The following GALC variants were observed in gnomAD, a reference collection of about 807,000 sequenced individuals.
The protein encoded by GALC is galactocerebrosidase.
GALC carries 77 observed loss-of-function variants against 91.8 expected under a neutral mutation model. The ratio of observed to expected loss-of-function variants is 0.84; its 90% confidence interval spans 0.70 to 1.01. The LOEUF (loss-of-function observed/expected upper bound fraction) is 1.01, where lower values mean the gene tolerates loss of function less well. Among genes scored for constraint, GALC ranks in the 50% least tolerant of loss-of-function variants. The pLI is 0.00. For synonymous variants in GALC, 357 were observed against 306.7 expected, an observed-to-expected ratio of 1.16 and a Z score of -1.71; for missense variants, 882 against 855.9, an observed-to-expected ratio of 1.03 and a Z score of -0.38.
chr14:87,988,106 T>C (rs1233058129), intron 3 of GALC, 38 bp downstream of exon 3: 3 of 1,507,722 alleles, frequency 2.0e-6, no homozygotes, highest in South Asian at 2.2e-5. Context: ...TAGATTAAAA[T>C]GTTGATGGGA....
intron 14 of GALC, 105 bp downstream of exon 14, chr14:87,945,448 G>C (rs1280894840): frequency 1.2e-6 from 1 of 861,912 alleles, no homozygotes; most frequent in African/African-American, 1.7e-5. Context: ...ACATCTATTA[G>C]GTTCTTGAAA....
intron 10 of GALC, chr14:87,953,008 C>A: frequency 9.2e-7 from 1 of 1,091,028 alleles, no homozygotes; most frequent in East Asian, 2.4e-5. Context: ...CACAAATGTG[C>A]AGCTATGTTG....
chr14:87,981,301 C>CA (rs35635941), intron 6 of GALC: 3,260 of 152,028 alleles, frequency 0.021, 51 homozygotes, highest in Non-Finnish European at 0.034. Context: ...TTTAGGGACT[C>CA]GGGGAAAGGA....
intron 4 of GALC, 48 bp from the exon 5 acceptor site, chr14:87,984,581 T>A: frequency 6.2e-7 from 1 of 1,608,166 alleles, no homozygotes; most frequent in Non-Finnish European, 8.5e-7. Context: ...ATAACGGTGC[T>A]GGCGCTATTG....
chr14:87,948,873 C>A (rs763827159), intron 12 of GALC, among the ~76,000 whole-genome samples: 2 of 151,880 alleles, frequency 1.3e-5, no homozygotes, highest in Admixed American at 1.3e-4. Flanking sequence ...TTAATAATAA[C>A]CAGAAAAAGT....
chr14:87,992,753 A>G (rs1887260148), intron 1 of GALC: 3 of 1,420,326 alleles, frequency 2.1e-6, no homozygotes, highest in Non-Finnish European at 2.7e-6. Context: ...TCATTTGTTC[A>G]AACCTAACTG....
chr14:87,984,278 A>G (rs756757864), intron 5 of GALC, 116 bp downstream of exon 5: 18 of 1,007,514 alleles, frequency 1.8e-5, no homozygotes, highest in Admixed American at 2.4e-5. Flanking sequence ...ACACCATTAG[A>G]ACAAATTAGC....
intron 12 of GALC, among the ~76,000 whole-genome samples, chr14:87,948,206 A>C (rs1445218592): frequency 1.3e-5 from 2 of 152,028 alleles, no homozygotes; most frequent in African/African-American, 4.8e-5. Flanking sequence ...TATTCGATAC[A>C]TGCAACTAAG....
rs1886012791 is a variant in GALC at position 87,965,631 on chromosome 14, T to C, written c.909-2A>G. ...GCCACTAAATTCCATGCGATTGTGC[T>C]AAAAGATTTGATAAAAAAGAAACAC... On this transcript the variant is annotated splice_acceptor_variant, in intron 8 of 16. Coordinates refer to ENST00000261304, the MANE Select transcript of GALC (RefSeq NM_000153.4). LOFTEE classifies it high-confidence loss of function. 1 of 1,613,040 alleles carries C rather than the reference T, an allele frequency of 6.2e-7. No individual in the cohort carries two copies. The highest frequency in any genetic ancestry group is 8.5e-7 in the Non-Finnish European group (1 of 1,179,326).
chr14:87,961,130 T>A (rs746231506), intron 10 of GALC, among the ~76,000 whole-genome samples: 6 of 151,946 alleles, frequency 3.9e-5, no homozygotes, highest in Non-Finnish European at 7.4e-5. Context: ...AACACAAATA[T>A]CCCAATTTAA....
chr14:87,947,375 G>C (rs1184960831), intron 13 of GALC, among the ~76,000 whole-genome samples: 2 of 151,988 alleles, frequency 1.3e-5, no homozygotes, highest in South Asian at 4.1e-4. Flanking sequence ...CAGAAAGACA[G>C]ATATGAATGT....
chr14:87,968,512 G>T, intron 7 of GALC, 22 bp from the exon 8 acceptor site: 6 of 1,613,038 alleles, frequency 3.7e-6, no homozygotes, highest in Non-Finnish European at 5.1e-6. Flanking sequence ...AAGGGTGGAA[G>T]TCAATGAAAA....
intron 7 of GALC, among the ~76,000 whole-genome samples, chr14:87,972,814 C>T (rs1233244023): frequency 6.6e-6 from 1 of 151,532 alleles, no homozygotes; most frequent in South Asian, 2.1e-4. Flanking sequence ...GCAAATAAGA[C>T]CAAAGTATAA....
intron 12 of GALC, among the ~76,000 whole-genome samples, chr14:87,948,098 A>C (rs1885150531): frequency 6.6e-6 from 1 of 151,980 alleles, no homozygotes; most frequent in Non-Finnish European, 1.5e-5. Flanking sequence ...AATTTTAAAC[A>C]ACCTTACTTC....
intron 10 of GALC, among the ~76,000 whole-genome samples, chr14:87,951,258 C>G (rs897984036): frequency 6.6e-6 from 1 of 151,788 alleles, no homozygotes; most frequent in Non-Finnish European, 1.5e-5. Context: ...TCACTGTTTA[C>G]TAAATAGTCA....
At chr14:87,983,776 T>C (rs529740056) in intron 5 of GALC, among the ~76,000 whole-genome samples, 1 of 152,322 alleles carries the variant, frequency 6.6e-6, no homozygotes, top group East Asian at 1.9e-4. Flanking sequence ...TTTCAAATCC[T>C]TAAAAGGTGT....
At chr14:87,962,432 G>T (rs969112577) in intron 10 of GALC, among the ~76,000 whole-genome samples, 16 of 151,998 alleles carry the variant, frequency 1.1e-4, no homozygotes, top group African/African-American at 3.6e-4. Context: ...AGACACCTTT[G>T]GTTTGAAAAG....
intron 6 of GALC, among the ~76,000 whole-genome samples, chr14:87,977,482 A>G (rs374820710): frequency 2.6e-5 from 4 of 152,306 alleles, no homozygotes; most frequent in African/African-American, 7.2e-5. Context: ...GCAAGTACAT[A>G]CCAAAATGTA....
intron 7 of GALC, among the ~76,000 whole-genome samples, chr14:87,972,810 A>G (rs1886350494): frequency 6.6e-6 from 1 of 152,160 alleles, no homozygotes; most frequent in Non-Finnish European, 1.5e-5. Flanking sequence ...ATATGCAAAT[A>G]AGACCAAAGT....
Sources: allele counts gnomAD v4.1 joint callset (sites outside exome capture counted in the v4.1 genomes callset), GRCh38; gene constraint gnomAD v4.1.1; transcripts MANE v1.5; gene names NCBI Gene and HGNC (gene_info 2026-07-23, HGNC 2026-07-21).